The following ATP8A1 variants were observed in gnomAD, a reference collection of about 807,000 sequenced individuals.
ATP8A1 encodes ATPase phospholipid transporting 8A1, also known as phospholipid-transporting ATPase IA.
In ATP8A1, 90 loss-of-function variants were observed where a neutral mutation model predicts 177.7. The observed-to-expected ratio is 0.51, with a 90% CI of 0.43 to 0.60. ATP8A1 has a LOEUF of 0.60. ATP8A1 is among the 20% of genes least tolerant of loss of function. The pLI, the probability that ATP8A1 is intolerant of heterozygous loss-of-function variation, is 0.00. For synonymous variants in ATP8A1, 493 were observed against 485.9 expected (o/e 1.01, Z -0.19); for missense variants, 1,072 against 1,392.8 (o/e 0.77, Z 3.67).
At chr4:42,414,524 C>T (rs1560298454) in intron 36 of ATP8A1, 103 bp downstream of exon 36, 2 of 1,005,810 alleles carry the variant, frequency 2.0e-6, no homozygotes, top group Non-Finnish European at 3.0e-6. Context: ...TTATTTTAGA[C>T]ATTAGTTTTA....
chr4:42,544,151 G>C (rs1036300804), intron 19 of ATP8A1, among the ~76,000 whole-genome samples, 165 bp from the exon 20 acceptor site: 2 of 151,986 alleles, frequency 1.3e-5, no homozygotes, highest in African/African-American at 4.8e-5. Flanking sequence ...TGTACAGCTG[G>C]GCACCTGTAA....
intron 33 of ATP8A1, among the ~76,000 whole-genome samples, chr4:42,426,525 G>A (rs1045732948): frequency 2.0e-5 from 3 of 152,170 alleles, no homozygotes; most frequent in Non-Finnish European, 4.4e-5. Context: ...TCAGACACTC[G>A]GGAAGAAACT....
At chr4:42,441,346 GTATGTATATA>G (rs1222973122) in intron 33 of ATP8A1, among the ~76,000 whole-genome samples, 95 of 151,856 alleles carry the variant, frequency 6.3e-4, no homozygotes, top group African/African-American at 2.2e-3. Context: ...ATTTATATAT[GTATGTATATA>G]TATGTATATA....
intron 15 of ATP8A1, among the ~76,000 whole-genome samples, chr4:42,557,519 A>G (rs1730365117): frequency 6.6e-6 from 1 of 152,236 alleles, no homozygotes; most frequent in African/African-American, 2.4e-5. Context: ...AGCCGTTTAA[A>G]TCTGAAGATA....
chr4:42,509,696 C>T (rs1578076573), intron 22 of ATP8A1, among the ~76,000 whole-genome samples: 1 of 151,804 alleles, frequency 6.6e-6, no homozygotes, highest in Admixed American at 6.6e-5. Flanking sequence ...ACTAAAAATA[C>T]AAAAAATTAG....
At chr4:42,506,550 G>T (rs1217013319) in intron 23 of ATP8A1, among the ~76,000 whole-genome samples, 1 of 152,202 alleles carries the variant, frequency 6.6e-6, no homozygotes, top group African/African-American at 2.4e-5. Flanking sequence ...GAGACATAAG[G>T]AGTAGTACAC....
chr4:42,644,955 C>T (rs1180857557), intron 1 of ATP8A1, among the ~76,000 whole-genome samples: 7 of 150,668 alleles, frequency 4.6e-5, no homozygotes, highest in African/African-American at 1.7e-4. Context: ...TTTTTTTCAG[C>T]TGCAAATGAC....
intron 30 of ATP8A1, 70 bp downstream of exon 30, chr4:42,451,911 C>T (rs1323578791): frequency 6.2e-6 from 7 of 1,132,164 alleles, no homozygotes; most frequent in African/African-American, 3.1e-5. Context: ...TTTAAACATA[C>T]ATTGACAATG....
At chr4:42,574,344 G>A (rs533605175) in intron 14 of ATP8A1, among the ~76,000 whole-genome samples, 1 of 152,238 alleles carries the variant, frequency 6.6e-6, no homozygotes, top group Non-Finnish European at 1.5e-5. Flanking sequence ...AAATATATTT[G>A]TTCCTTATTA....
At chr4:42,470,300 T>C (rs935968921) in intron 25 of ATP8A1, among the ~76,000 whole-genome samples, 1 of 152,234 alleles carries the variant, frequency 6.6e-6, no homozygotes, top group Non-Finnish European at 1.5e-5. Flanking sequence ...TTATTTTCTA[T>C]GCAGTAACTC....
intron 25 of ATP8A1, among the ~76,000 whole-genome samples, chr4:42,468,464 T>G (rs28661732): frequency 6.7e-6 from 1 of 148,726 alleles, no homozygotes; most frequent in Non-Finnish European, 1.5e-5. Context: ...GACACACACA[T>G]ACACATATAT....
intron 22 of ATP8A1, among the ~76,000 whole-genome samples, chr4:42,520,896 G>A (rs144503561): frequency 3.5e-4 from 54 of 152,248 alleles, no homozygotes; most frequent in Non-Finnish European, 7.6e-4. Context: ...ATCTGTTGAG[G>A]AGACAGGACA....
intron 9 of ATP8A1, among the ~76,000 whole-genome samples, chr4:42,582,052 T>G (rs541190230): frequency 6.6e-6 from 1 of 152,236 alleles, no homozygotes; most frequent in East Asian, 1.9e-4. Context: ...CGGGAGCTAA[T>G]GTGATTTAGA....
chr4:42,434,339 C>T (rs1384743370), intron 33 of ATP8A1, among the ~76,000 whole-genome samples: 1 of 152,012 alleles, frequency 6.6e-6, no homozygotes, highest in East Asian at 1.9e-4. Flanking sequence ...TGCATTTTAC[C>T]TTTTTAAAAA....
chr4:42,492,975 T>C (rs534688720), intron 24 of ATP8A1, among the ~76,000 whole-genome samples: 98 of 152,318 alleles, frequency 6.4e-4, no homozygotes, highest in African/African-American at 2.3e-3. Flanking sequence ...TGAACAAAGA[T>C]GGTGACTCTA....
At chr4:42,532,237 C>A (rs901278079) in intron 20 of ATP8A1, among the ~76,000 whole-genome samples, 2 of 152,068 alleles carry the variant, frequency 1.3e-5, no homozygotes, top group African/African-American at 4.8e-5. Flanking sequence ...ACATTGGGAG[C>A]ACACTGGGAG....
intron 25 of ATP8A1, among the ~76,000 whole-genome samples, chr4:42,473,316 T>C (rs149931789): frequency 1.2e-3 from 185 of 152,328 alleles, no homozygotes; most frequent in African/African-American, 4.0e-3. Context: ...GAGTTAAATA[T>C]TGACAGCCTA....
intron 19 of ATP8A1, 69 bp downstream of exon 19, chr4:42,548,944 C>A: frequency 2.3e-6 from 3 of 1,277,300 alleles, no homozygotes; most frequent in African/African-American, 1.5e-5. Flanking sequence ...TCTAGTTATT[C>A]AAAAGGGAAA....
chr4:42,602,849 T>C (rs1474865805), intron 5 of ATP8A1, among the ~76,000 whole-genome samples: 2 of 152,038 alleles, frequency 1.3e-5, no homozygotes, highest in African/African-American at 4.8e-5. Flanking sequence ...ACCCAGTGGC[T>C]ACAATATAAT....
Sources: gnomAD v4.1 joint callset for allele counts (sites outside exome capture counted in the v4.1 genomes callset) on GRCh38, gnomAD v4.1.1 for gene constraint, MANE v1.5 for transcripts, NCBI Gene and HGNC (gene_info 2026-07-23, HGNC 2026-07-21) for gene names.